Variants in UBE2E1 observed in about 807,000 individuals in gnomAD.
The protein encoded by UBE2E1 is ubiquitin-conjugating enzyme E2 E1.
UBE2E1 carries 6 observed loss-of-function variants against 21.4 expected under a neutral mutation model. The ratio of observed to expected loss-of-function variants is 0.28; its 90% confidence interval spans 0.15 to 0.55. The LOEUF is 0.55. UBE2E1 is among the 20% of genes least tolerant of loss of function. The probability of loss-of-function intolerance (pLI) is 0.93; values close to 1 mark genes in which losing one functional copy is unlikely to be tolerated. For synonymous variants in UBE2E1, 87 were observed against 82.7 expected (o/e 1.05, Z -0.28); for missense variants, 142 against 236.5 (o/e 0.60, Z 2.62).
rs570762736 is a variant in UBE2E1 at position 23,810,120 on chromosome 3, G to T, written c.153-1340G>T. On this transcript the variant is annotated intron_variant, in intron 2 of 5. Coordinates refer to ENST00000306627, the MANE Select transcript of UBE2E1 (RefSeq NM_003341.5). This position sits in a 1 kb window ranked among gnomAD's most constrained non-coding sequence, Gnocchi z 5.8. ...CTTTGGAAAGGAAAACGTATCCTTT[G>T]TGAATTAGATTGCTCTGTGTGTGTG... Among the ~76,000 whole-genome samples the T allele has an allele frequency of 5.7e-4, 86 of 152,184 alleles. No homozygotes were observed. The highest frequency in any genetic ancestry group is 9.6e-4 in the Non-Finnish European group (65 of 68,040).
At chr3:23,882,826 C>G (rs1005453280) in intron 3 of UBE2E1, among the ~76,000 whole-genome samples, 7 of 152,338 alleles carry the variant, frequency 4.6e-5, no homozygotes, top group East Asian at 1.9e-4. Flanking sequence ...GCCGGCTGCT[C>G]CGAGTGCGGG....
At chr3:23,883,781 C>T (rs765029058) in intron 3 of UBE2E1, among the ~76,000 whole-genome samples, 7 of 151,596 alleles carry the variant, frequency 4.6e-5, no homozygotes, top group Non-Finnish European at 7.4e-5. Flanking sequence ...CTGGGCATGG[C>T]GGCGCACACC....
rs1344593478 is a variant in UBE2E1 at position 23,882,533 on chromosome 3, A to C, written c.204-5034A>C. On this transcript the variant is annotated intron_variant, in intron 3 of 5. Coordinates refer to ENST00000306627, the MANE Select transcript of UBE2E1 (RefSeq NM_003341.5). The stretch of plus-strand genomic sequence containing the variant: ...CGCCAGTCCCGCACTGTGCGCCCAC[A>C]CTCCTCAACCCTTGGGCAGGCGATG... 2.0e-5 allele frequency among the ~76,000 whole-genome samples: 3 copies of C among 152,084 alleles called. No homozygotes were observed. In the East Asian group the frequency reaches 5.9e-4, roughly 30 times the overall value.
intron 3 of UBE2E1, among the ~76,000 whole-genome samples, chr3:23,824,516 A>T (rs1699712822): frequency 6.6e-6 from 1 of 152,288 alleles, no homozygotes; most frequent in East Asian, 1.9e-4. Flanking sequence ...GCTTTCCAAG[A>T]TTTGAACTTT....
At chr3:23,807,067 G>T in intron 1 of UBE2E1, 170 bp from the exon 2 acceptor site, 1 of 498,312 alleles carries the variant, frequency 2.0e-6, no homozygotes, top group Non-Finnish European at 3.4e-6. Flanking sequence ...TAAACAAGCC[G>T]CGTCCGATTT....
In UBE2E1 at chr3:23,823,714, A is replaced by C. The variant is rs11928371; in HGVS notation, c.203+12204A>C. Among the ~76,000 whole-genome samples, 81 of 152,376 alleles carry C rather than the reference A, an allele frequency of 5.3e-4. 1 individual carries two copies. The highest frequency in any genetic ancestry group is 1.8e-3 in the African/African-American group (75 of 41,594). On this transcript the variant is annotated intron_variant, in intron 3 of 5. Transcript: ENST00000306627. The surrounding 1 kb of genome is among the most constrained non-coding windows in gnomAD (Gnocchi z 4.2). ...CAGGAGGATTTTTTATAAACATGAA[A>C]GATAACTTTCCTCTAACCTAAGTAA...
chr3:23,811,009 G>A, intron 2 of UBE2E1: 2 of 169,400 alleles, frequency 1.2e-5, no homozygotes, highest in Non-Finnish European at 2.5e-5. Flanking sequence ...TGTCGGGGGC[G>A]CCCTGCCGGG....
At chr3:23,883,595 C>T (rs1701104228) in intron 3 of UBE2E1, among the ~76,000 whole-genome samples, 3 of 152,094 alleles carry the variant, frequency 2.0e-5, no homozygotes, top group Non-Finnish European at 4.4e-5. Flanking sequence ...TGAATTCATC[C>T]AATAGCAGCT....
chr3:23,843,590 C>T (rs1207573895), intron 3 of UBE2E1, among the ~76,000 whole-genome samples: 1 of 152,150 alleles, frequency 6.6e-6, no homozygotes, highest in Non-Finnish European at 1.5e-5. Flanking sequence ...TCTCACCTTC[C>T]ACAGTCATTT....
intron 3 of UBE2E1, among the ~76,000 whole-genome samples, chr3:23,855,275 A>C (rs1211816902): frequency 6.6e-6 from 1 of 152,070 alleles, no homozygotes; most frequent in African/African-American, 2.4e-5. Flanking sequence ...TTATGTTTTA[A>C]TTTTTCAATT....
At position 23,891,609 on chromosome 3, in the gene UBE2E1, A is replaced by C. The variant is rs1368290029; in HGVS notation, c.*1003A>C. 6.6e-6 allele frequency: 1 copy of C among 152,224 alleles called. No individual in the cohort carries two copies. The highest frequency in any genetic ancestry group is 6.5e-5 in the Admixed American group (1 of 15,284). The allele number at this position is 152,224 out of a possible 1,614,324, so 9.4% of individuals were successfully genotyped here. ...AAGTACATGAGAAATGGGTTCCGTCATGGATAAATTGGTACCCTGCCTTAG... is the reference window on the plus strand; with the variant it reads ...AAGTACATGAGAAATGGGTTCCGTCCTGGATAAATTGGTACCCTGCCTTAG... On this transcript the variant is annotated 3_prime_UTR_variant, in exon 6 of 6. Coordinates refer to ENST00000306627, the MANE Select transcript of UBE2E1 (RefSeq NM_003341.5).
rs574351411 is a variant in UBE2E1, at chr3:23,852,341, T to G, written c.204-35226T>G. On this transcript the variant is annotated intron_variant, in intron 3 of 5. Coordinates refer to ENST00000306627, the MANE Select transcript of UBE2E1 (RefSeq NM_003341.5). ...CAGTGTACATATTTTATGCTTATGT[T>G]AAATTTATTCTTATGTATTTTACTC... Among the ~76,000 whole-genome samples the G allele has an allele frequency of 5.9e-5, 9 of 152,372 alleles. No individual in the cohort carries two copies. In the Middle Eastern group the frequency reaches 0.014, roughly 230 times the overall value.
chr3:23,812,702 C>A (rs530630712), intron 3 of UBE2E1, among the ~76,000 whole-genome samples: 1 of 152,160 alleles, frequency 6.6e-6, no homozygotes, highest in Non-Finnish European at 1.5e-5. Context: ...CTAATAATCT[C>A]TCAAGATGGT....
chr3:23,860,243 G>C (rs1575022319), intron 3 of UBE2E1, among the ~76,000 whole-genome samples: 1 of 152,202 alleles, frequency 6.6e-6, no homozygotes. Flanking sequence ...TTTCTGTAGG[G>C]TTGAGACTCT....
intron 3 of UBE2E1, among the ~76,000 whole-genome samples, chr3:23,851,030 G>C (rs989587301): frequency 1.3e-5 from 2 of 151,902 alleles, no homozygotes; most frequent in Admixed American, 1.3e-4. Flanking sequence ...TTAGTTTTTC[G>C]ATTTGGATCA....
At chr3:23,878,355 G>A (rs1164598842) in intron 3 of UBE2E1, among the ~76,000 whole-genome samples, 1 of 152,202 alleles carries the variant, frequency 6.6e-6, no homozygotes, top group Admixed American at 6.5e-5. Context: ...GGTAGCGATA[G>A]TCATCATTTC....
chr3:23,870,157 G>T lies in UBE2E1; in HGVS notation c.204-17410G>T. Among the ~76,000 whole-genome samples the T allele has an allele frequency of 6.6e-6, 1 of 152,160 alleles. No individual in the cohort carries two copies. Among genetic ancestry groups the T allele is most frequent in the Non-Finnish European group, 1.5e-5 (1 of 68,006 alleles). On this transcript the variant is annotated intron_variant, in intron 3 of 5. Coordinates refer to ENST00000306627, the MANE Select transcript of UBE2E1 (RefSeq NM_003341.5). The surrounding 1 kb of genome is among the most constrained non-coding windows in gnomAD (Gnocchi z 4.2). ...CTTGGCTAATTCTCATTCTTGATGT[G>T]GTCTCTTCACACGGTCTCTGCAGTA... is the stretch of plus-strand genomic sequence containing the variant.
At chr3:23,822,480 C>T (rs1396527903) in intron 3 of UBE2E1, among the ~76,000 whole-genome samples, 1 of 151,452 alleles carries the variant, frequency 6.6e-6, no homozygotes, top group Admixed American at 6.6e-5. Context: ...TTTCTGATCT[C>T]CCCTCTTTCC....
Position 23,891,347 on chromosome 3 carries a change from T to G in UBE2E1, c.*741T>G, listed in dbSNP as rs1374732208. 1.3e-5 allele frequency: 2 copies of G among 152,232 alleles called. No individual in the cohort carries two copies. Among genetic ancestry groups the G allele is most frequent in the African/African-American group, 4.8e-5 (2 of 41,450 alleles). 9.4% of individuals were successfully genotyped at this position (152,232 alleles called of 1,614,324 possible). On this transcript the variant is annotated 3_prime_UTR_variant, in exon 6 of 6. Coordinates refer to ENST00000306627, the MANE Select transcript of UBE2E1 (RefSeq NM_003341.5). ...GTGTTCATTTACTTTTCTTTTGCCT[T>G]TTGGTTGCCATTCGCAGATTCTTCT...
Sources: allele counts gnomAD v4.1 joint callset (sites outside exome capture counted in the v4.1 genomes callset), GRCh38; gene constraint gnomAD v4.1.1; non-coding constraint Gnocchi (gnomAD v3.1); transcripts MANE v1.5; gene names NCBI Gene and HGNC (gene_info 2026-07-23, HGNC 2026-07-21).